The following KCNS1 variants were observed in gnomAD, a reference collection of about 807,000 sequenced individuals.
KCNS1 encodes the protein potassium voltage-gated channel modifier subfamily S member 1.
KCNS1 carries 26 observed loss-of-function variants against 33.1 expected under a neutral mutation model. That is an observed-to-expected ratio of 0.79 (90% CI 0.58 to 1.09). The LOEUF is 1.09. Among genes scored for constraint, KCNS1 ranks in the 50% least tolerant of loss-of-function variants. The probability of loss-of-function intolerance (pLI) is 0.00; values close to 1 mark genes in which losing one functional copy is unlikely to be tolerated. For missense variants in KCNS1, 702 were observed against 752.4 expected, an observed-to-expected ratio of 0.93 and a Z score of 0.78; for synonymous variants, 299 against 338.8, an observed-to-expected ratio of 0.88 and a Z score of 1.29.
In KCNS1 at chr20:45,095,023, G is replaced by A. The variant is rs757086443; in HGVS notation, c.1428C>T (p.Asn476=). The A allele has an allele frequency of 6.2e-7, 1 of 1,613,814 alleles. No individual in the cohort carries two copies. Among genetic ancestry groups the A allele is most frequent in the South Asian group, 1.1e-5 (1 of 91,074 alleles). The change falls in exon 4 of 4, where the codon AAC becomes AAT. Residue 476 remains asparagine (N), a synonymous_variant. Coordinates refer to ENST00000537075, the MANE Select transcript of KCNS1 (RefSeq NM_001322799.2). ...RQKALEAAVR[N]SNHQEFEDLL... is the part of the protein sequence containing the mutation. ...AGTCCTCAAACTCTTGGTGGTTGCT[G>A]TTGCGCACGGCTGCCTCCAGAGCCT...
At position 45,098,620 on chromosome 20, in the gene KCNS1, G is replaced by C; in HGVS notation, c.152C>G (p.Ala51Gly). Reference sequence around the variant, plus strand: ...CACGCCACCCACGTTCACGCGCAGCGCCTCGTCGCTTCGCCGCCAGCGGAT... The same window carrying C: ...CACGCCACCCACGTTCACGCGCAGCCCCTCGTCGCTTCGCCGCCAGCGGAT... ...TGIRWRRSDE[A>G]LRVNVGGVRR... Residue 51 changes from alanine to glycine, a missense_variant, in exon 3 of 4, where the codon GCG becomes GGG. Ala to Gly is a moderately conservative substitution (Grantham distance 60). Coordinates refer to ENST00000537075, the MANE Select transcript of KCNS1 (RefSeq NM_001322799.2). The surrounding 1 kb of genome is among the most constrained non-coding windows in gnomAD (Gnocchi z 5.2). 6.8e-7 allele frequency: 1 copy of C among 1,468,824 alleles called. No homozygotes were observed. The highest frequency in any genetic ancestry group is 9.0e-7 in the Non-Finnish European group (1 of 1,111,100). The allele number at this position is 1,468,824 out of a possible 1,614,324, so 91.0% of individuals were successfully genotyped here.
intron 3 of KCNS1, among the ~76,000 whole-genome samples, chr20:45,095,664 A>G (rs1483424025): frequency 6.6e-6 from 1 of 152,240 alleles, no homozygotes; most frequent in Non-Finnish European, 1.5e-5. Flanking sequence ...CTGTTGCAGA[A>G]CCAAGAGAAC....
intron 1 of KCNS1, chr20:45,100,451 AGCTCACTTTCCT>A (rs1981355096): frequency 6.6e-6 from 1 of 152,236 alleles, no homozygotes; most frequent in African/African-American, 2.4e-5. Context: ...ATCCATCAGG[AGCTCACTTTCCT>A]GCTCTATGAA....
In KCNS1 at chr20:45,092,278, G is replaced by T. The variant is rs1981021485; in HGVS notation, c.*2592C>A. Reference sequence around the variant, plus strand: ...CCAATCACTCAGACAGCATGTCAGGGAGCCATCTCCATACAAGCAGAAACA... The same window carrying T: ...CCAATCACTCAGACAGCATGTCAGGTAGCCATCTCCATACAAGCAGAAACA... On this transcript the variant is annotated 3_prime_UTR_variant, in exon 4 of 4. Transcript: ENST00000537075. 6.6e-6 allele frequency: 1 copy of T among 151,930 alleles called. No individual in the cohort carries two copies. The highest frequency in any genetic ancestry group is 6.6e-5 in the Admixed American group (1 of 15,246). 9.4% of individuals were successfully genotyped at this position (151,930 alleles called of 1,614,324 possible).
intron 3 of KCNS1, 73 bp downstream of exon 3, chr20:45,097,589 T>G: frequency 2.1e-6 from 3 of 1,429,914 alleles, no homozygotes; most frequent in South Asian, 2.7e-5. Context: ...GGCAGGCTTG[T>G]AAGTTCACCT....
At position 45,092,099 on chromosome 20, in the gene KCNS1, T is replaced by C. The variant is rs532598602; in HGVS notation, c.*2771A>G. Among the ~76,000 whole-genome samples, 1 of 152,316 alleles carries C rather than the reference T, an allele frequency of 6.6e-6. No homozygotes were observed. The highest frequency in any genetic ancestry group is 6.5e-5 in the Admixed American group (1 of 15,298). On this transcript the variant is annotated 3_prime_UTR_variant, in exon 4 of 4. Transcript: ENST00000537075. ...AACAGTCATTCATCACTTTAATTAT[T>C]TTATAAATTACCCTTTTTGACCAAG...
At position 45,098,411 on chromosome 20, in the gene KCNS1, C is replaced by T. The variant is rs1981279410; in HGVS notation, c.361G>A (p.Gly121Ser). The change falls in exon 3 of 4, where the codon GGC becomes AGC. Residue 121 changes from glycine to serine, a missense_variant. By Grantham distance (56) the Gly-to-Ser change is moderately conservative. Transcript: ENST00000537075. The surrounding 1 kb of genome is among the most constrained non-coding windows in gnomAD (Gnocchi z 5.2). ...FLSLLHFYRTGHLHVLDELCV... is the reference protein window; with the variant it reads ...FLSLLHFYRTSHLHVLDELCV... ...AGCTCGTCGAGCACGTGCAGGTGGC[C>T]AGTGCGGTAGAAGTGCAGCAGGCTC... The T allele has an allele frequency of 6.9e-6, 11 of 1,596,450 alleles. No individual in the cohort carries two copies. Among genetic ancestry groups the T allele is most frequent in the Non-Finnish European group, 9.4e-6 (11 of 1,172,006 alleles).
intron 3 of KCNS1, among the ~76,000 whole-genome samples, chr20:45,096,753 C>T (rs1981197816): frequency 6.6e-6 from 1 of 152,188 alleles, no homozygotes; most frequent in African/African-American, 2.4e-5. Context: ...TAACCCTTAC[C>T]TCTGTTTAAA....
At chr20:45,096,922 C>G (rs1406499728) in intron 3 of KCNS1, among the ~76,000 whole-genome samples, 2 of 152,366 alleles carry the variant, frequency 1.3e-5, no homozygotes, top group African/African-American at 4.8e-5. Context: ...TGTTCTCTCT[C>G]CAGGCCTCGG....
In KCNS1 at chr20:45,097,680, C is replaced by A. The variant is rs996460139; in HGVS notation, c.1092G>T (p.Ser364=). 1.2e-6 allele frequency: 2 copies of A among 1,606,276 alleles called. No individual in the cohort carries two copies. The highest frequency in any genetic ancestry group is 2.2e-5 in the South Asian group (2 of 90,798). Residue 364 remains serine (S), a synonymous_variant, in exon 3 of 4, where the codon TCG becomes TCT. Coordinates refer to ENST00000537075, the MANE Select transcript of KCNS1 (RefSeq NM_001322799.2). The stretch of plus-strand genomic sequence containing the variant: ...GCCGTACCTTGAGCGTGGCTCCCAG[C>A]GAGCGCAGCCCGGTGGAATGGCGCG... ...KLARHSTGLR[S]LGATLKHSYR...
At position 45,098,190 on chromosome 20, in the gene KCNS1, A is replaced by G; in HGVS notation, c.582T>C (p.Tyr194=). 2 of 1,604,216 alleles carry G rather than the reference A, an allele frequency of 1.2e-6. No homozygotes were observed. The highest frequency in any genetic ancestry group is 1.7e-6 in the Non-Finnish European group (2 of 1,176,384). Residue 194 remains tyrosine, a synonymous_variant, in exon 3 of 4, where the codon TAT becomes TAC. Coordinates refer to ENST00000537075, the MANE Select transcript of KCNS1 (RefSeq NM_001322799.2). The surrounding 1 kb of genome is among the most constrained non-coding windows in gnomAD (Gnocchi z 5.2). The part of the protein sequence containing the change: ...ISDVQRELAR[Y]GAARCGRLRR... The stretch of plus-strand genomic sequence containing the variant: ...GCAGGCGGCCACAGCGCGCCGCGCC[A>G]TAGCGCGCCAGTTCTCGCTGCACGT...
rs1236778448 is a variant in KCNS1, at chr20:45,093,281, A to T, written c.*1589T>A. 1 of 152,150 alleles carries T rather than the reference A, an allele frequency of 6.6e-6. No homozygotes were observed. The highest frequency in any genetic ancestry group is 2.4e-5 in the African/African-American group (1 of 41,414). The allele number at this position is 152,150 out of a possible 1,614,324, so 9.4% of individuals were successfully genotyped here. On this transcript the variant is annotated 3_prime_UTR_variant, in exon 4 of 4. Coordinates refer to ENST00000537075, the MANE Select transcript of KCNS1 (RefSeq NM_001322799.2). ...TGAGTGAGTGAGTGAAGAACCTACA[A>T]GGAATATATTGTAAAAACTTCAAGA...
At chr20:45,097,325 C>A (rs940743061) in intron 3 of KCNS1, among the ~76,000 whole-genome samples, 2 of 152,228 alleles carry the variant, frequency 1.3e-5, no homozygotes, top group African/African-American at 4.8e-5. Flanking sequence ...TCCTGCTTTG[C>A]GCATCTTTGT....
At position 45,098,499 on chromosome 20, in the gene KCNS1, C is replaced by T. The variant is rs767038455; in HGVS notation, c.273G>A (p.Leu91=). The part of the protein sequence containing the change: ...AAASEEQARR[L]CDDYDEAARE... ...GCGCCGCCTCGTCGTAGTCGTCGCA[C>T]AGGCGCCGCGCCTGCTCCTCCGACG... The change falls in exon 3 of 4, where the codon CTG becomes CTA. Residue 91 remains leucine (L), a synonymous_variant. Transcript: ENST00000537075. This position sits in a 1 kb window ranked among gnomAD's most constrained non-coding sequence, Gnocchi z 5.2. The T allele has an allele frequency of 6.5e-6, 10 of 1,545,904 alleles. No homozygotes were observed. The African/African-American group carries it at 1.3e-4, about 19-fold the overall frequency.
rs1340367554 is a variant in KCNS1, at chr20:45,098,119, G to A, written c.653C>T (p.Pro218Leu). Residue 218 changes from proline (P) to leucine (L), a missense_variant, in exon 3 of 4, where the codon CCG becomes CTG. Transcript: ENST00000537075. This position sits in a 1 kb window ranked among gnomAD's most constrained non-coding sequence, Gnocchi z 5.2. ...LTMENPGYSL[P>L]SKLFSCVSIS... The stretch of plus-strand genomic sequence containing the variant: ...GGAGACGCAGCTGAAGAGCTTGCTC[G>A]GCAGCGAGTAGCCCGGGTTCTCCAT... 6.3e-7 allele frequency: 1 copy of A among 1,597,794 alleles called. No homozygotes were observed. The highest frequency in any genetic ancestry group is 8.5e-7 in the Non-Finnish European group (1 of 1,173,358).
intron 3 of KCNS1, among the ~76,000 whole-genome samples, chr20:45,097,458 G>A (rs889012728): frequency 2.6e-5 from 4 of 152,200 alleles, no homozygotes; most frequent in Non-Finnish European, 5.9e-5. Context: ...AAGAGATAAC[G>A]GTAAGCCCTT....
chr20:45,100,537 G>A (rs888950831), intron 1 of KCNS1, among the ~76,000 whole-genome samples: 2 of 152,158 alleles, frequency 1.3e-5, no homozygotes, highest in Admixed American at 1.3e-4. Context: ...GAAAGACCAA[G>A]TGACTTGTTC....
chr20:45,096,161 G>A (rs1019497413), intron 3 of KCNS1, among the ~76,000 whole-genome samples: 15 of 152,302 alleles, frequency 9.8e-5, no homozygotes, highest in African/African-American at 3.6e-4. Context: ...GAACGCAATC[G>A]CATAGTCTTG....
In KCNS1 at chr20:45,098,647, C is replaced by G; in HGVS notation, c.125G>C (p.Gly42Ala). The change falls in exon 3 of 4, where the codon GGG becomes GCG. Residue 42 changes from glycine to alanine, a missense_variant. By Grantham distance (60) the Gly-to-Ala change is moderately conservative. Coordinates refer to ENST00000537075, the MANE Select transcript of KCNS1 (RefSeq NM_001322799.2). The surrounding 1 kb of genome is among the most constrained non-coding windows in gnomAD (Gnocchi z 5.2). ...CTCGTCGCTTCGCCGCCAGCGGATC[C>G]CGGTGTCGGGGCCCGGGAACTCGCT... is the stretch of plus-strand genomic sequence containing the variant. ...FVSEFPGPDT[G>A]IRWRRSDEAL... 1 of 1,473,310 alleles carries G rather than the reference C, an allele frequency of 6.8e-7. No individual in the cohort carries two copies. The highest frequency in any genetic ancestry group is 9.0e-7 in the Non-Finnish European group (1 of 1,113,798). The allele number at this position is 1,473,310 out of a possible 1,614,324, so 91.3% of individuals were successfully genotyped here.
Sources: gnomAD v4.1 joint callset for allele counts (sites outside exome capture counted in the v4.1 genomes callset) on GRCh38, gnomAD v4.1.1 for gene constraint, Gnocchi (gnomAD v3.1) non-coding constraint, MANE v1.5 for transcripts, NCBI Gene and HGNC (gene_info 2026-07-23, HGNC 2026-07-21) for gene names.